The following GUCY2C variants were observed in gnomAD, a reference collection of about 807,000 sequenced individuals.
GUCY2C encodes guanylyl cyclase C.
In GUCY2C, 118 loss-of-function variants were observed where a neutral mutation model predicts 131.1. The ratio of observed to expected loss-of-function variants is 0.90; its 90% CI spans 0.78 to 1.05. The LOEUF (loss-of-function observed/expected upper bound fraction) is 1.05, where lower values mean the gene tolerates loss of function less well. Ranked by LOEUF, GUCY2C falls within the 50% of genes least tolerant of loss-of-function variation. The pLI is 0.00. For synonymous variants in GUCY2C, 452 were observed against 457.8 expected, an observed-to-expected ratio of 0.99 and a Z score of 0.16; for missense variants, 1,161 against 1,304.4, an observed-to-expected ratio of 0.89 and a Z score of 1.69.
At chr12:14,671,377 A>G (rs536108762) in intron 9 of GUCY2C, among the ~76,000 whole-genome samples, 2 of 152,220 alleles carry the variant, frequency 1.3e-5, no homozygotes, top group South Asian at 4.2e-4. Flanking sequence ...ACCTCAAGTG[A>G]TCCGCCTGCC....
chr12:14,645,032 G>A (rs1214678797), intron 16 of GUCY2C, among the ~76,000 whole-genome samples, 197 bp downstream of exon 16: 1 of 151,988 alleles, frequency 6.6e-6, no homozygotes, highest in Non-Finnish European at 1.5e-5. Context: ...TATTGAACAT[G>A]TACTTGTACC....
chr12:14,691,769 G>T (rs1300400580), intron 1 of GUCY2C, among the ~76,000 whole-genome samples: 3 of 152,176 alleles, frequency 2.0e-5, no homozygotes, highest in Non-Finnish European at 4.4e-5. Flanking sequence ...ACCAACATCT[G>T]TTGAGTGTGA....
rs151309221 is a variant in GUCY2C, at chr12:14,687,976, C to A, written c.305G>T (p.Gly102Val). ...TGAAATTTTCCTGAGTAGGTCGAGGCCTTCACAGGTGCTACTCCGGCAGTC... is the reference window on the plus strand; with the variant it reads ...TGAAATTTTCCTGAGTAGGTCGAGGACTTCACAGGTGCTACTCCGGCAGTC... The part of the protein sequence containing the change: ...SGDCRSSTCE[G>V]LDLLRKISNA... Residue 102 changes from glycine (G) to valine (V), a missense_variant, in exon 2 of 27, where the codon GGC (glycine) becomes GTC (valine). Coordinates refer to ENST00000261170, the MANE Select transcript of GUCY2C (RefSeq NM_004963.4). 1.9e-6 allele frequency: 3 copies of A among 1,611,624 alleles called. No individual in the cohort carries two copies. The highest frequency in any genetic ancestry group is 1.7e-6 in the Non-Finnish European group (2 of 1,177,724).
chr12:14,641,326 G>T, intron 17 of GUCY2C, 107 bp from the exon 18 acceptor site: 1 of 1,121,210 alleles, frequency 8.9e-7, no homozygotes, highest in Non-Finnish European at 1.3e-6. Flanking sequence ...TCTAAATATG[G>T]GTGATAGCTT....
intron 24 of GUCY2C, 169 bp downstream of exon 24, chr12:14,619,042 C>T: frequency 1.8e-6 from 1 of 541,536 alleles, no homozygotes; most frequent in South Asian, 3.0e-5. Flanking sequence ...ACAATGAAAG[C>T]AAATGTAGCA....
intron 9 of GUCY2C, among the ~76,000 whole-genome samples, chr12:14,670,548 C>G (rs892454028): frequency 6.6e-6 from 1 of 152,064 alleles, no homozygotes; most frequent in Non-Finnish European, 1.5e-5. Context: ...CCACCAAAAT[C>G]TCAACTTGAA....
chr12:14,642,375 A>G (rs1947425947), intron 17 of GUCY2C, among the ~76,000 whole-genome samples: 1 of 152,182 alleles, frequency 6.6e-6, no homozygotes, highest in Non-Finnish European at 1.5e-5. Context: ...GTTTTTCAGG[A>G]TCACCTAGCT....
intron 15 of GUCY2C, among the ~76,000 whole-genome samples, chr12:14,647,776 T>A (rs1314755832): frequency 1.3e-5 from 2 of 152,030 alleles, no homozygotes; most frequent in East Asian, 3.8e-4. Flanking sequence ...AAGGAGGATT[T>A]TTTGAGTTGT....
intron 1 of GUCY2C, among the ~76,000 whole-genome samples, chr12:14,690,978 T>C (rs1320622852): frequency 6.6e-6 from 1 of 152,198 alleles, no homozygotes; most frequent in East Asian, 1.9e-4. Flanking sequence ...GCATGTAAAA[T>C]GAGGTTAAAA....
chr12:14,632,267 G>A (rs917878746), intron 19 of GUCY2C, among the ~76,000 whole-genome samples: 45 of 152,006 alleles, frequency 3.0e-4, no homozygotes, highest in African/African-American at 9.2e-4. Flanking sequence ...TTTTGTTGCC[G>A]TTGCTTTTGG....
At chr12:14,666,469 T>C (rs1260728021) in intron 10 of GUCY2C, among the ~76,000 whole-genome samples, 2 of 152,194 alleles carry the variant, frequency 1.3e-5, no homozygotes. Flanking sequence ...GCGCCGTGGC[T>C]CATGCCTGTA....
At position 14,612,758 on chromosome 12, in the gene GUCY2C, A is replaced by G. The variant is rs918990776; in HGVS notation, c.*359T>C. 2.3e-5 allele frequency: 4 copies of G among 175,774 alleles called. No individual in the cohort carries two copies. The highest frequency in any genetic ancestry group is 1.7e-4 in the South Asian group (1 of 5,734). The allele number at this position is 175,774 out of a possible 1,614,324, so 10.9% of individuals were successfully genotyped here. On this transcript the variant is annotated 3_prime_UTR_variant, in exon 27 of 27. Coordinates refer to ENST00000261170, the MANE Select transcript of GUCY2C (RefSeq NM_004963.4). ...TAATTATGACAATTTAAAAAATCTT[A>G]TGAATACAGAAGGAAAGCCAGTAAA...
intron 6 of GUCY2C, 36 bp from the exon 7 acceptor site, chr12:14,677,007 G>A (rs1410790957): frequency 1.4e-6 from 1 of 701,916 alleles, no homozygotes; most frequent in South Asian, 2.6e-5. Context: ...ATGAAAATTA[G>A]GAAAAATAGA....
At chr12:14,649,529 A>G (rs1947596553) in intron 15 of GUCY2C, among the ~76,000 whole-genome samples, 1 of 152,202 alleles carries the variant, frequency 6.6e-6, no homozygotes, top group African/African-American at 2.4e-5. Context: ...GTACTAAAAT[A>G]CTAGAAATGC....
intron 11 of GUCY2C, 87 bp from the exon 12 acceptor site, chr12:14,656,704 G>A (rs1439752985): frequency 1.5e-6 from 1 of 661,216 alleles, no homozygotes; most frequent in Non-Finnish European, 2.8e-6. Flanking sequence ...TTAGAACCCT[G>A]GTATGCTCAG....
intron 17 of GUCY2C, 121 bp from the exon 18 acceptor site, chr12:14,641,340 A>C (rs1947399665): frequency 2.0e-6 from 2 of 1,018,754 alleles, no homozygotes; most frequent in African/African-American, 3.2e-5. Flanking sequence ...ATAGCTTATA[A>C]GTGGCCTTGA....
chr12:14,671,119 G>A (rs572073884), intron 9 of GUCY2C, among the ~76,000 whole-genome samples: 16 of 152,102 alleles, frequency 1.1e-4, no homozygotes, highest in African/African-American at 3.1e-4. Context: ...TTGAGATTTC[G>A]GTGGGGACAC....
At position 14,696,362 on chromosome 12, in the gene GUCY2C, G is replaced by T. The variant is rs369567498; in HGVS notation, c.87C>A (p.Asn29Lys). The change falls in exon 1 of 27, where the codon AAC (asparagine) becomes AAA (lysine). Residue 29 changes from asparagine (N) to lysine (K), a missense_variant. Physicochemically the swap from Asn to Lys is moderately conservative, Grantham distance 94. Transcript: ENST00000261170. ...TGATTTCATAGCTGCCATTGTGGCAGTTCTGACTCACCTGGGAACTAAAGG... is the reference window on the plus strand; with the variant it reads ...TGATTTCATAGCTGCCATTGTGGCATTTCTGACTCACCTGGGAACTAAAGG... Reference protein sequence around the residue: ...WLSFSSQVSQNCHNGSYEISV... With the variant: ...WLSFSSQVSQKCHNGSYEISV... The T allele has an allele frequency of 6.2e-7, 1 of 1,614,098 alleles. No individual in the cohort carries two copies. The highest frequency in any genetic ancestry group is 8.5e-7 in the Non-Finnish European group (1 of 1,179,976).
Position 14,672,928 on chromosome 12 carries a change from C to A in GUCY2C, c.1115G>T (p.Trp372Leu), listed in dbSNP as rs746904140. 2.2e-5 allele frequency: 35 copies of A among 1,608,646 alleles called. No homozygotes were observed. The highest frequency in any genetic ancestry group is 2.9e-5 in the Non-Finnish European group (34 of 1,175,134). ...CACCATGGTACTGTCAACATCCCCC[C>A]AGTCATCCAAGGTCACTGGACCGTC... Reference protein sequence around the residue: ...GYDGPVTLDDWGDVDSTMVLL... With the variant: ...GYDGPVTLDDLGDVDSTMVLL... Residue 372 changes from tryptophan to leucine, a missense_variant, in exon 9 of 27, where the codon TGG (tryptophan) becomes TTG (leucine). Physicochemically the swap from Trp to Leu is moderately conservative, Grantham distance 61. Coordinates refer to ENST00000261170, the MANE Select transcript of GUCY2C (RefSeq NM_004963.4).
Sources: gnomAD v4.1 joint callset for allele counts (sites outside exome capture counted in the v4.1 genomes callset) on GRCh38, gnomAD v4.1.1 for gene constraint, MANE v1.5 for transcripts, NCBI Gene and HGNC (gene_info 2026-07-23, HGNC 2026-07-21) for gene names.